Variants in RARB observed in about 807,000 individuals in gnomAD.
RARB encodes the protein HBV-activated protein.
A neutral mutation model predicts 51.9 loss-of-function variants in RARB; 17 were observed. The ratio of observed to expected loss-of-function variants is 0.33; its 90% confidence interval spans 0.22 to 0.49. The LOEUF is 0.49. Among genes scored for constraint, RARB ranks in the 20% least tolerant of loss-of-function variants. RARB has a pLI of 0.99. For missense variants in RARB, 369 were observed against 550.8 expected (o/e 0.67, Z 3.30); for synonymous variants, 215 against 195.4 (o/e 1.10, Z -0.84).
intron 5 of RARB, among the ~76,000 whole-genome samples, chr3:25,184,429 A>G (rs1258272308): frequency 6.6e-6 from 1 of 152,058 alleles, no homozygotes; most frequent in Non-Finnish European, 1.5e-5. Context: ...GACTGCCCCT[A>G]ACCTCTGGGA....
intron 5 of RARB, among the ~76,000 whole-genome samples, chr3:25,246,235 G>T (rs994151140): frequency 6.6e-6 from 1 of 151,892 alleles, no homozygotes; most frequent in Non-Finnish European, 1.5e-5. Context: ...TTTTTTCAAG[G>T]TTCTTAGCTT....
chr3:25,011,087 A>G (rs1697384964), intron 2 of RARB, among the ~76,000 whole-genome samples: 1 of 152,166 alleles, frequency 6.6e-6, no homozygotes, highest in Non-Finnish European at 1.5e-5. Context: ...TTCATTCAAC[A>G]ATTATCTACT....
chr3:24,989,033 C>A (rs1489752545), intron 2 of RARB, among the ~76,000 whole-genome samples: 1 of 151,984 alleles, frequency 6.6e-6, no homozygotes, highest in East Asian at 1.9e-4. Flanking sequence ...ACCACGTTGG[C>A]CAGGCTGGTC....
chr3:25,149,789 C>T (rs1700252516), intron 4 of RARB, among the ~76,000 whole-genome samples: 1 of 152,226 alleles, frequency 6.6e-6, no homozygotes, highest in South Asian at 2.1e-4. Flanking sequence ...ATTTGCATGT[C>T]ATTCTTTGGC....
chr3:25,181,704 G>A lies in RARB; in HGVS notation c.178+7129G>A, dbSNP rs540837167. Among the ~76,000 whole-genome samples, 3 of 152,238 alleles carry A rather than the reference G, an allele frequency of 2.0e-5. No individual in the cohort carries two copies. The South Asian group carries it at 6.2e-4, about 32-fold the overall frequency. ...TCATAACTTCATTTTACATATAAAT[G>A]CAAAACATTGTTGTATGCTTTTATT... is the stretch of plus-strand genomic sequence containing the variant. On this transcript the variant is annotated intron_variant, in intron 5 of 11. Transcript: ENST00000383772.
intron 2 of RARB, among the ~76,000 whole-genome samples, chr3:24,884,105 C>CA (rs1425057130): frequency 1.3e-5 from 2 of 152,036 alleles, no homozygotes; most frequent in African/African-American, 4.8e-5. Flanking sequence ...TAAAACACTT[C>CA]AAAAAATGTA....
chr3:24,925,514 T>C (rs1695300427), intron 2 of RARB, among the ~76,000 whole-genome samples: 1 of 151,792 alleles, frequency 6.6e-6, no homozygotes, highest in Admixed American at 6.6e-5. Flanking sequence ...ATGGTGTGCA[T>C]ATCTGTGGTC....
intron 2 of RARB, among the ~76,000 whole-genome samples, chr3:24,877,274 G>A (rs17015371): frequency 0.059 from 8,628 of 146,856 alleles, 377 homozygotes; most frequent in East Asian, 0.15. Flanking sequence ...ATTAAACTCT[G>A]AAGTTCTTAT....
chr3:25,126,128 G>A (rs982289021), intron 3 of RARB, among the ~76,000 whole-genome samples: 9 of 152,232 alleles, frequency 5.9e-5, no homozygotes, highest in East Asian at 3.9e-4. Context: ...TTGAAGTGCT[G>A]GCTCCTTTGC....
At chr3:25,259,876 G>T (rs76622947) in intron 5 of RARB, 3 of 978,750 alleles carry the variant, frequency 3.1e-6, no homozygotes, top group Non-Finnish European at 3.6e-6. Flanking sequence ...AGAGATTTGA[G>T]CTTCTTTCCT....
chr3:25,182,331 C>A (rs116734768), intron 5 of RARB, among the ~76,000 whole-genome samples: 182 of 152,286 alleles, frequency 1.2e-3, no homozygotes, highest in Non-Finnish European at 2.1e-3. Context: ...AACACCAGAA[C>A]CAGCAATTAT....
rs554053959 is a variant in RARB, at chr3:25,196,699, G to T, written c.178+22124G>T. Among the ~76,000 whole-genome samples the T allele has an allele frequency of 3.2e-4, 49 of 152,178 alleles. No individual in the cohort carries two copies. In the South Asian group the frequency reaches 9.7e-3, roughly 30 times the overall value. On this transcript the variant is annotated intron_variant, in intron 5 of 11. Transcript: ENST00000383772. ...TACAGTCCCACCAACAGTGTAAAGTGTTCCTATTTCTCCACATCCTCTCCA... is the reference window on the plus strand; with the variant it reads ...TACAGTCCCACCAACAGTGTAAAGTTTTCCTATTTCTCCACATCCTCTCCA...
At chr3:25,544,040 G>T (rs1699503185) in intron 3 of RARB, among the ~76,000 whole-genome samples, 1 of 152,154 alleles carries the variant, frequency 6.6e-6, no homozygotes, top group African/African-American at 2.4e-5. Context: ...GACGGGAAAA[G>T]AATGGCTATA....
intron 5 of RARB, among the ~76,000 whole-genome samples, chr3:25,189,424 C>G (rs372769575): frequency 3.3e-5 from 5 of 152,158 alleles, no homozygotes; most frequent in African/African-American, 2.4e-5. Flanking sequence ...TGACAAGGAC[C>G]TGAGGAGCCA....
At chr3:25,221,449 A>G (rs1049278705) in intron 5 of RARB, among the ~76,000 whole-genome samples, 1 of 152,222 alleles carries the variant, frequency 6.6e-6, no homozygotes, top group African/African-American at 2.4e-5. Context: ...CCTGTAACTA[A>G]TAATAATCGT....
At position 25,222,557 on chromosome 3, in the gene RARB, A is replaced by G. The variant is rs113374708; in HGVS notation, c.178+47982A>G. ...TGCCACTCCAATAAATAGAAGATAG[A>G]AAAAAAGATATTAAAAACAAGGCTA... On this transcript the variant is annotated intron_variant, in intron 5 of 11. Transcript: ENST00000383772. 5.6e-3 allele frequency among the ~76,000 whole-genome samples: 857 copies of G among 152,336 alleles called. 14 individuals are homozygous for G. The highest frequency in any genetic ancestry group is 0.018 in the African/African-American group (758 of 41,580).
intron 2 of RARB, among the ~76,000 whole-genome samples, chr3:24,887,510 G>C (rs1703287941): frequency 6.6e-6 from 1 of 152,102 alleles, no homozygotes; most frequent in African/African-American, 2.4e-5. Context: ...GAATGTTATG[G>C]TTATGCTTAT....
At chr3:25,346,417 CTAAT>C (rs1300528005) in intron 5 of RARB, among the ~76,000 whole-genome samples, 3 of 152,132 alleles carry the variant, frequency 2.0e-5, no homozygotes, top group African/African-American at 4.8e-5. Flanking sequence ...CCAAACAAAA[CTAAT>C]TAATTAATTA....
chr3:25,581,381 G>A (rs138696683), intron 5 of RARB, among the ~76,000 whole-genome samples: 29 of 152,224 alleles, frequency 1.9e-4, no homozygotes, highest in African/African-American at 6.0e-4. Flanking sequence ...GCGTACATAC[G>A]TCTAATGGGA....
Sources: allele counts gnomAD v4.1 joint callset (sites outside exome capture counted in the v4.1 genomes callset), GRCh38; gene constraint gnomAD v4.1.1; transcripts MANE v1.5; gene names NCBI Gene and HGNC (gene_info 2026-07-23, HGNC 2026-07-21).